HSD17B14: variants seen among roughly 807,000 people sequenced by gnomAD.
HSD17B14 encodes L-fucose dehydrogenase.
In HSD17B14, 32 loss-of-function variants were observed where a neutral mutation model predicts 32.2. That is an observed-to-expected ratio of 0.99 (90% CI 0.75 to 1.33). HSD17B14 has a LOEUF of 1.33. Ranked by LOEUF, HSD17B14 falls within the 40% of genes most tolerant of loss-of-function variation. The pLI is 0.00. For missense variants in HSD17B14, 370 were observed against 366.5 expected (o/e 1.01, Z -0.08); for synonymous variants, 140 against 155.4 (o/e 0.90, Z 0.74).
Position 48,834,046 on chromosome 19 carries a change from T to C in HSD17B14, c.210+230A>G, listed in dbSNP as rs149874480. ...AGGGACTTATTCATTTCCATCCACATGTTAAATGTGCTAAGAGCCTTGGAG... is the reference window on the plus strand; with the variant it reads ...AGGGACTTATTCATTTCCATCCACACGTTAAATGTGCTAAGAGCCTTGGAG... On this transcript the variant is annotated intron_variant, in intron 3 of 8. Coordinates refer to ENST00000263278, the MANE Select transcript of HSD17B14 (RefSeq NM_016246.3). Among the ~76,000 whole-genome samples the C allele has an allele frequency of 3.0e-3, 455 of 152,206 alleles. 2 individuals are homozygous for C. Among genetic ancestry groups the C allele is most frequent in the African/African-American group, 9.1e-3 (378 of 41,550 alleles).
intron 5 of HSD17B14, among the ~76,000 whole-genome samples, chr19:48,826,542 T>TATATATATATATATATATATATATATAC: frequency 6.1e-4 from 49 of 80,086 alleles, no homozygotes; most frequent in East Asian, 4.6e-3. Flanking sequence ...TATATATATA[T>TATATATATATATATATATATATATATAC]ACACACACAC....
At chr19:48,826,542 T>TATATATATACACACACACACACAC in intron 5 of HSD17B14, among the ~76,000 whole-genome samples, 1 of 80,120 alleles carries the variant, frequency 1.2e-5, no homozygotes, top group African/African-American at 5.2e-5. Flanking sequence ...TATATATATA[T>TATATATATACACACACACACACAC]ACACACACAC....
chr19:48,821,260 G>A (rs561941900), intron 5 of HSD17B14, among the ~76,000 whole-genome samples: 151 of 152,134 alleles, frequency 9.9e-4, no homozygotes, highest in African/African-American at 3.3e-3. Flanking sequence ...TGATCCACCC[G>A]CCTTGGCCTC....
chr19:48,814,983 C>CCAAG, intron 6 of HSD17B14, 54 bp downstream of exon 6: 1 of 1,429,314 alleles, frequency 7.0e-7, no homozygotes, highest in Non-Finnish European at 9.9e-7. Context: ...GGACTCAAAG[C>CCAAG]CAAGGCCCAT....
intron 5 of HSD17B14, 59 bp from the exon 6 acceptor site, chr19:48,815,200 AAC>A: frequency 7.7e-7 from 1 of 1,297,292 alleles, no homozygotes; most frequent in Non-Finnish European, 1.1e-6. Context: ...AGACCACTGA[AAC>A]ACAGCCACAG....
intron 5 of HSD17B14, among the ~76,000 whole-genome samples, chr19:48,824,320 C>A (rs902801366): frequency 1.6e-5 from 2 of 127,332 alleles, no homozygotes; most frequent in Admixed American, 1.7e-4. Flanking sequence ...CCCAGCTACT[C>A]GGCGGGCTGA....
Position 48,836,355 on chromosome 19 carries a change from G to A in HSD17B14, c.57C>T (p.Arg19=), listed in dbSNP as rs776862875. The A allele has an allele frequency of 1.1e-5, 17 of 1,612,688 alleles. No individual in the cohort carries two copies. In the Admixed American group the frequency reaches 1.5e-4, roughly 14 times the overall value. ...GKVVVVTGGG[R]GIGAGIVRAF... ...CGCGCACGATCCCAGCTCCGATGCC[G>A]CGCCCGCCCCCGGTCACGACCACCA... Residue 19 remains arginine (R), a synonymous_variant, in exon 1 of 9, where the codon CGC becomes CGT. Transcript: ENST00000263278.
At chr19:48,828,233 T>C (rs974759326) in intron 5 of HSD17B14, among the ~76,000 whole-genome samples, 2 of 152,150 alleles carry the variant, frequency 1.3e-5, no homozygotes, top group African/African-American at 4.8e-5. Flanking sequence ...GAATTGTCAT[T>C]GGTTTACAGA....
At chr19:48,816,676 T>C (rs1232607929) in intron 5 of HSD17B14, among the ~76,000 whole-genome samples, 1 of 152,102 alleles carries the variant, frequency 6.6e-6, no homozygotes, top group Non-Finnish European at 1.5e-5. Flanking sequence ...CAAGCCAGGA[T>C]CACTAGCTCA....
At chr19:48,816,036 A>G (rs1457545529) in intron 5 of HSD17B14, among the ~76,000 whole-genome samples, 2 of 151,496 alleles carry the variant, frequency 1.3e-5, no homozygotes, top group Non-Finnish European at 2.9e-5. Flanking sequence ...AAAAAAAAAA[A>G]AAAAAAAGAA....
chr19:48,815,491 C>T (rs1475140719), intron 5 of HSD17B14, among the ~76,000 whole-genome samples: 1 of 152,044 alleles, frequency 6.6e-6, no homozygotes, highest in Non-Finnish European at 1.5e-5. Flanking sequence ...ATGAGAGATC[C>T]AGAAGGCTGC....
intron 5 of HSD17B14, among the ~76,000 whole-genome samples, chr19:48,816,174 A>C (rs984150083): frequency 6.6e-6 from 1 of 151,992 alleles, no homozygotes; most frequent in African/African-American, 2.4e-5. Flanking sequence ...ATAAACTCAA[A>C]TTCTATCTTT....
Position 48,830,737 on chromosome 19 carries a change from A to C in HSD17B14, c.369+931T>G, listed in dbSNP as rs141151086. 8.8e-3 allele frequency among the ~76,000 whole-genome samples: 1,343 copies of C among 152,084 alleles called. 18 individuals are homozygous for C. Among genetic ancestry groups the C allele is most frequent in the African/African-American group, 0.031 (1,280 of 41,472 alleles). On this transcript the variant is annotated intron_variant, in intron 5 of 8. Coordinates refer to ENST00000263278, the MANE Select transcript of HSD17B14 (RefSeq NM_016246.3). ...AGGGTTTCACTATGTTGCCCAGGCT[A>C]GTCTCGAATTCCTGGGCTTAAGGGA...
intron 5 of HSD17B14, among the ~76,000 whole-genome samples, chr19:48,831,262 C>A (rs1023009508): frequency 1.3e-5 from 2 of 152,158 alleles, no homozygotes; most frequent in African/African-American, 4.8e-5. Context: ...ATTTATCTTC[C>A]TTTTGGAATA....
Position 48,815,117 on chromosome 19 carries a change from TCTTC to T in HSD17B14, c.390_393del (p.Lys131ValfsTer30). The T allele has an allele frequency of 6.2e-7, 1 of 1,613,946 alleles. No individual in the cohort carries two copies. The highest frequency in any genetic ancestry group is 1.1e-5 in the South Asian group (1 of 91,082). ...GAGATGTTGATGACATTCCCTTGACTCTTCCGCAGGTAGGGGAGGGCGAGCTAGG... is the reference window on the plus strand; with the variant it reads ...GAGATGTTGATGACATTCCCTTGACTCGCAGGTAGGGGAGGGCGAGCTAGG... On this transcript the variant is annotated frameshift_variant, in exon 6 of 9. Transcript: ENST00000263278. LOFTEE classifies it high-confidence loss of function.
At chr19:48,813,410 A>C in intron 8 of HSD17B14, 46 bp downstream of exon 8, 1 of 1,562,036 alleles carries the variant, frequency 6.4e-7, no homozygotes, top group Non-Finnish European at 8.7e-7. Flanking sequence ...CATGCCCCCC[A>C]CCCCCATGCC....
rs1180191852 is a variant in HSD17B14 at position 48,832,693 on chromosome 19, C to A, written c.250G>T (p.Asp84Tyr). Reference protein sequence around the residue: ...SETIRRFGRLDCVVNNAGHHP... With the variant: ...SETIRRFGRLYCVVNNAGHHP... ...TGGCCAGCGTTGTTGACAACACAAT[C>A]CAGGCGGCCAAATCGGCGGATGGTC... The change falls in exon 4 of 9, where the codon GAT becomes TAT. Residue 84 changes from aspartate to tyrosine, a missense_variant. Asp to Tyr is a radical substitution (Grantham distance 160). Coordinates refer to ENST00000263278, the MANE Select transcript of HSD17B14 (RefSeq NM_016246.3). The A allele has an allele frequency of 6.2e-7, 1 of 1,613,242 alleles. No individual in the cohort carries two copies. Among genetic ancestry groups the A allele is most frequent in the East Asian group, 2.2e-5 (1 of 44,864 alleles).
chr19:48,813,422 C>T, intron 8 of HSD17B14, 34 bp downstream of exon 8: 3 of 1,574,664 alleles, frequency 1.9e-6, no homozygotes, highest in Non-Finnish European at 2.6e-6. Flanking sequence ...CCCCATGCCA[C>T]CTTCTACCAC....
intron 5 of HSD17B14, among the ~76,000 whole-genome samples, chr19:48,816,796 T>TTTCTTTCTTTCTTTC (rs2035060488): frequency 9.0e-6 from 1 of 111,204 alleles, no homozygotes; most frequent in African/African-American, 4.0e-5. Flanking sequence ...TCTTTCTTTC[T>TTTCTTTCTTTCTTTC]TTCTTTCTTT....
Sources: allele counts gnomAD v4.1 joint callset (sites outside exome capture counted in the v4.1 genomes callset), GRCh38; gene constraint gnomAD v4.1.1; transcripts MANE v1.5; gene names NCBI Gene and HGNC (gene_info 2026-07-23, HGNC 2026-07-21).